The following TENM2 variants were observed in gnomAD, a reference collection of about 807,000 sequenced individuals.
TENM2 encodes teneurin-2.
In TENM2, 52 loss-of-function variants were observed where a neutral mutation model predicts 245.2. The ratio of observed to expected loss-of-function variants is 0.21; its 90% CI spans 0.17 to 0.27. The LOEUF (loss-of-function observed/expected upper bound fraction) is 0.27. Ranked by LOEUF, TENM2 falls within the 10% of genes least tolerant of loss-of-function variation. The probability of loss-of-function intolerance (pLI) is 1.00; values close to 1 mark genes in which losing one functional copy is unlikely to be tolerated. For synonymous variants in TENM2, 1,363 were observed against 1,438.9 expected (o/e 0.95, Z 1.19); for missense variants, 3,046 against 3,666.8 (o/e 0.83, Z 4.37).
intron 2 of TENM2, among the ~76,000 whole-genome samples, chr5:167,512,547 A>G (rs1278774448): frequency 2.6e-5 from 4 of 152,192 alleles, no homozygotes; most frequent in African/African-American, 7.2e-5. Context: ...GCATGGTGCT[A>G]TCAGTTCCTC....
chr5:167,770,652 T>G (rs1206029350), intron 2 of TENM2, among the ~76,000 whole-genome samples: 2 of 152,148 alleles, frequency 1.3e-5, no homozygotes, highest in Non-Finnish European at 2.9e-5. Context: ...TTTATGGAGT[T>G]TTGACTCACA....
the TENM2 span, among the ~76,000 whole-genome samples, chr5:167,272,248 C>T: frequency 2.6e-3 from 392 of 152,246 alleles, 4 homozygotes; most frequent in South Asian, 0.034. Context: ...TGCAAAAGTT[C>T]TAACACACAA....
intron 25 of TENM2, among the ~76,000 whole-genome samples, chr5:168,242,923 C>T (rs1056482191): frequency 3.3e-5 from 5 of 151,474 alleles, no homozygotes; most frequent in Non-Finnish European, 7.4e-5. Flanking sequence ...CACCACTGCA[C>T]TCCAGCCTGG....
rs988560643 is a variant in TENM2, at chr5:167,843,541, G to A, written c.503-32445G>A. Among the ~76,000 whole-genome samples the A allele has an allele frequency of 5.9e-5, 9 of 152,154 alleles. 1 individual carries two copies. Among genetic ancestry groups the A allele is most frequent in the African/African-American group, 2.2e-4 (9 of 41,504 alleles). On this transcript the variant is annotated intron_variant, in intron 2 of 28. Coordinates refer to ENST00000518659, the Ensembl canonical transcript of TENM2. ...ATTTAACCAGGACTTATTTCACTCTGTATTCTTAATATTTGTAGGGTTGGT... is the reference window on the plus strand; with the variant it reads ...ATTTAACCAGGACTTATTTCACTCTATATTCTTAATATTTGTAGGGTTGGT...
At chr5:167,353,442 G>A (rs1297679599) in intron 1 of TENM2, among the ~76,000 whole-genome samples, 2 of 148,460 alleles carry the variant, frequency 1.3e-5, no homozygotes, top group African/African-American at 2.5e-5. Context: ...CTTTGGGTCC[G>A]TCCAAGTGAC....
At chr5:167,275,067 G>A in the TENM2 span, among the ~76,000 whole-genome samples, 2 of 151,686 alleles carry the variant, frequency 1.3e-5, no homozygotes, top group South Asian at 4.2e-4. Flanking sequence ...TTTGTTGTTT[G>A]TTTCTTTTTC....
intron 2 of TENM2, among the ~76,000 whole-genome samples, chr5:167,736,786 G>C (rs1219294635): frequency 6.6e-6 from 1 of 152,028 alleles, no homozygotes; most frequent in African/African-American, 2.4e-5. Context: ...GCCCCGGTGG[G>C]AACTTGAGAA....
At chr5:167,388,196 G>A (rs540080892) in intron 2 of TENM2, among the ~76,000 whole-genome samples, 1 of 151,998 alleles carries the variant, frequency 6.6e-6, no homozygotes, top group Non-Finnish European at 1.5e-5. Flanking sequence ...CTCACTTCTT[G>A]TTATTGGTCT....
At chr5:167,739,606 C>A (rs1186401405) in intron 2 of TENM2, among the ~76,000 whole-genome samples, 1 of 152,102 alleles carries the variant, frequency 6.6e-6, no homozygotes, top group Admixed American at 6.5e-5. Flanking sequence ...TATCTGTCTT[C>A]TCCTGTCTTG....
intron 6 of TENM2, among the ~76,000 whole-genome samples, chr5:168,056,090 T>C (rs929596704): frequency 6.6e-6 from 1 of 152,228 alleles, no homozygotes; most frequent in African/African-American, 2.4e-5. Context: ...ACAGCTGGCA[T>C]GGCTCAGGGA....
At chr5:168,014,267 T>C (rs1225000740) in intron 5 of TENM2, among the ~76,000 whole-genome samples, 1 of 152,232 alleles carries the variant, frequency 6.6e-6, no homozygotes, top group Non-Finnish European at 1.5e-5. Context: ...TTTTCTCATT[T>C]AATTCTTACT....
At position 167,993,154 on chromosome 5, in the gene TENM2, C is replaced by T. The variant is rs758459097; in HGVS notation, c.1158C>T (p.Leu386=). Residue 386 remains leucine, a synonymous_variant, in exon 5 of 29, where the codon CTC becomes CTT. Coordinates refer to ENST00000518659, the Ensembl canonical transcript of TENM2. ...TCTCCGCCATTGCCGCGGCCCTCCT[C>T]TTGGCTATTTTGCTGGCGTATTTCA... 3.1e-6 allele frequency: 5 copies of T among 1,614,024 alleles called. No individual in the cohort carries two copies. The Admixed American group carries it at 8.3e-5, about 27-fold the overall frequency.
intron 4 of TENM2, among the ~76,000 whole-genome samples, chr5:167,975,686 G>A (rs913939846): frequency 9.9e-5 from 15 of 152,050 alleles, no homozygotes; most frequent in Admixed American, 2.6e-4. Flanking sequence ...AGAAAATATT[G>A]TACCTATGGC....
upstream of TENM2, among the ~76,000 whole-genome samples, chr5:167,283,346 C>T (rs1409470163): frequency 1.3e-5 from 2 of 152,088 alleles, no homozygotes; most frequent in Non-Finnish European, 2.9e-5. Flanking sequence ...CAATCGTACC[C>T]TCTTTTTCAT....
At chr5:167,580,445 T>A (rs1775008336) in intron 2 of TENM2, among the ~76,000 whole-genome samples, 1 of 152,190 alleles carries the variant, frequency 6.6e-6, no homozygotes, top group Non-Finnish European at 1.5e-5. Context: ...AGTTAGTTAT[T>A]CTCCACCATT....
intron 2 of TENM2, among the ~76,000 whole-genome samples, chr5:167,486,073 A>G (rs1473744125): frequency 6.6e-6 from 1 of 152,174 alleles, no homozygotes; most frequent in Non-Finnish European, 1.5e-5. Flanking sequence ...TCTGAGAAAA[A>G]AAAAATTATG....
the TENM2 span, among the ~76,000 whole-genome samples, chr5:167,215,461 T>G: frequency 1.3e-5 from 2 of 152,132 alleles, no homozygotes; most frequent in African/African-American, 4.8e-5. Flanking sequence ...AATGGATCTT[T>G]GGGTGGAAAA....
rs568163292 is a variant in TENM2 at position 168,066,706 on chromosome 5, G to T, written c.1515+4441G>T. On this transcript the variant is annotated intron_variant, in intron 7 of 28. Coordinates refer to ENST00000518659, the Ensembl canonical transcript of TENM2. The stretch of plus-strand genomic sequence containing the variant: ...TTAAAGACACAGACAGAAAAAAAAA[G>T]TCAATCTGAGTCATTCTTAGCCTAC... 6.6e-5 allele frequency among the ~76,000 whole-genome samples: 10 copies of T among 152,096 alleles called. No individual in the cohort carries two copies. The East Asian group carries it at 1.9e-3, about 29-fold the overall frequency.
At chr5:167,775,847 G>A (rs1763727721) in intron 2 of TENM2, among the ~76,000 whole-genome samples, 1 of 152,158 alleles carries the variant, frequency 6.6e-6, no homozygotes, top group South Asian at 2.1e-4. Context: ...GAGAAACAGT[G>A]TGCAAAATTA....
Sources: allele counts gnomAD v4.1 joint callset (sites outside exome capture counted in the v4.1 genomes callset), GRCh38; gene constraint gnomAD v4.1.1; transcripts MANE v1.5; gene names NCBI Gene and HGNC (gene_info 2026-07-23, HGNC 2026-07-21).